ANKS1A: variants seen among roughly 807,000 people sequenced by gnomAD.
ANKS1A encodes the protein ankyrin repeat and SAM domain-containing protein 1A.
In ANKS1A, 55 loss-of-function variants were observed where a neutral mutation model predicts 120.3. The ratio of observed to expected loss-of-function variants is 0.46; its 90% CI spans 0.37 to 0.57. The LOEUF is 0.57. Ranked by LOEUF, ANKS1A falls within the 20% of genes least tolerant of loss-of-function variation. ANKS1A has a pLI of 0.00. For synonymous variants in ANKS1A, 590 were observed against 604.7 expected, an observed-to-expected ratio of 0.98 and a Z score of 0.36; for missense variants, 1,123 against 1,480.3, an observed-to-expected ratio of 0.76 and a Z score of 3.96.
intron 3 of ANKS1A, among the ~76,000 whole-genome samples, chr6:34,975,822 C>A (rs758014876): frequency 8.6e-5 from 13 of 151,762 alleles, no homozygotes; most frequent in Admixed American, 3.9e-4. Flanking sequence ...AGAATGCAAA[C>A]CCTTCTTGAG....
At chr6:34,939,288 G>A (rs1350337738) in intron 1 of ANKS1A, among the ~76,000 whole-genome samples, 1 of 152,182 alleles carries the variant, frequency 6.6e-6, no homozygotes, top group Non-Finnish European at 1.5e-5. Flanking sequence ...CCTGTGGACA[G>A]GGCAATGGAA....
chr6:34,905,091 G>C lies in ANKS1A; in HGVS notation c.197+15492G>C, dbSNP rs569386685. 3.3e-5 allele frequency among the ~76,000 whole-genome samples: 5 copies of C among 152,348 alleles called. No individual in the cohort carries two copies. In the East Asian group the frequency reaches 9.6e-4, roughly 29 times the overall value. ...CTCCCAAAGTTCTGGGATTATAGGC[G>C]GGAGCCACTGTGCCCGGTCAACGTC... On this transcript the variant is annotated intron_variant, in intron 1 of 23. Transcript: ENST00000360359.
chr6:35,051,695 C>T (rs1236849396), intron 11 of ANKS1A, among the ~76,000 whole-genome samples: 1 of 152,106 alleles, frequency 6.6e-6, no homozygotes, highest in Non-Finnish European at 1.5e-5. Flanking sequence ...TTAAGCTCTG[C>T]GTGTGAGTAG....
intron 13 of ANKS1A, among the ~76,000 whole-genome samples, chr6:35,073,959 G>A (rs1050465429): frequency 1.3e-4 from 20 of 152,232 alleles, no homozygotes; most frequent in African/African-American, 4.6e-4. Context: ...CCCGCGCTGC[G>A]CCCGGAATGT....
At chr6:35,078,712 AG>A in intron 14 of ANKS1A, 56 bp downstream of exon 14, 1 of 1,511,748 alleles carries the variant, frequency 6.6e-7, no homozygotes. Flanking sequence ...CCACCTCCCT[AG>A]CACCACCTGC....
chr6:35,086,167 C>T lies in ANKS1A; in HGVS notation c.3303+231C>T. ...CCTGTTTCCCTCCCTCGCTGGGCTC[C>T]CCCAAGGGCAAGGCCGTCAAGGGGC... On this transcript the variant is annotated intron_variant, in intron 22 of 23. Coordinates refer to ENST00000360359, the MANE Select transcript of ANKS1A (RefSeq NM_015245.3). The surrounding 1 kb of genome is among the most constrained non-coding windows in gnomAD (Gnocchi z 5.1). 5 of 1,233,126 alleles carry T rather than the reference C, an allele frequency of 4.1e-6. No homozygotes were observed. In the South Asian group the frequency reaches 5.6e-5, roughly 14 times the overall value. The allele number at this position is 1,233,126 out of a possible 1,614,324, so 76.4% of individuals were successfully genotyped here. A position where few individuals can be genotyped will look rare whatever the true frequency, so the allele number is the denominator to read the frequency against.
At chr6:34,897,815 C>G (rs552871769) in intron 1 of ANKS1A, among the ~76,000 whole-genome samples, 18 of 152,242 alleles carry the variant, frequency 1.2e-4, no homozygotes, top group African/African-American at 4.3e-4. Context: ...GTTGTCTCTG[C>G]TTTGAAACAA....
intron 11 of ANKS1A, among the ~76,000 whole-genome samples, chr6:35,046,135 T>C (rs1775709721): frequency 6.6e-6 from 1 of 152,200 alleles, no homozygotes; most frequent in Admixed American, 6.5e-5. Flanking sequence ...GATCCATTTC[T>C]TTTGACCCTG....
At chr6:34,962,712 C>A (rs1400342906) in intron 1 of ANKS1A, among the ~76,000 whole-genome samples, 1 of 151,700 alleles carries the variant, frequency 6.6e-6, no homozygotes, top group Non-Finnish European at 1.5e-5. Context: ...TCGCTTGAAC[C>A]CGGGAGGCAG....
intron 11 of ANKS1A, among the ~76,000 whole-genome samples, chr6:35,036,742 A>C (rs975362494): frequency 1.3e-5 from 2 of 152,212 alleles, no homozygotes; most frequent in African/African-American, 4.8e-5. Flanking sequence ...GGAAAGTTTA[A>C]CCCTGTAGTT....
chr6:34,996,692 C>T (rs1019727467), intron 10 of ANKS1A, among the ~76,000 whole-genome samples: 4 of 152,216 alleles, frequency 2.6e-5, no homozygotes, highest in East Asian at 1.9e-4. Flanking sequence ...AGGATGGTCT[C>T]GATCTCTTGA....
intron 11 of ANKS1A, among the ~76,000 whole-genome samples, chr6:35,029,153 C>CT (rs1008586245): frequency 2.5e-4 from 37 of 147,424 alleles, no homozygotes; most frequent in African/African-American, 7.7e-4. Flanking sequence ...TTCCTTTTCT[C>CT]TTTTTTTTTT....
intron 13 of ANKS1A, among the ~76,000 whole-genome samples, chr6:35,065,949 G>A (rs1235276663): frequency 7.2e-5 from 11 of 152,152 alleles, no homozygotes; most frequent in African/African-American, 2.4e-4. Flanking sequence ...ATGAAGCTCC[G>A]GGTTAGTTAA....
At position 34,985,163 on chromosome 6, in the gene ANKS1A, A is replaced by T. The variant is rs149715871; in HGVS notation, c.1094A>T (p.Tyr365Phe). ...GAAGAGGGTCCCTACGAAGCTCTGTATAATGCCATCTCCTGCCATTCGTTG... is the reference window on the plus strand; with the variant it reads ...GAAGAGGGTCCCTACGAAGCTCTGTTTAATGCCATCTCCTGCCATTCGTTG... ...AEEEGPYEAL[Y>F]NAISCHSLDS... Residue 365 changes from tyrosine (Y) to phenylalanine (F), a missense_variant, in exon 8 of 24, where the codon TAT becomes TTT. Physicochemically the swap from Tyr to Phe is conservative, Grantham distance 22 (BLOSUM62 3). Transcript: ENST00000360359. The T allele has an allele frequency of 4.1e-4, 656 of 1,614,184 alleles. 2 individuals carry two copies. Among genetic ancestry groups the T allele is most frequent in the Middle Eastern group, 1.2e-3 (7 of 6,062 alleles).
chr6:35,017,597 TTTCCA>T lies in ANKS1A; in HGVS notation c.1549_1553del (p.Phe517AlafsTer64). 1.5e-5 allele frequency: 25 copies of T among 1,613,986 alleles called. No individual in the cohort carries two copies. Among genetic ancestry groups the T allele is most frequent in the Non-Finnish European group, 2.1e-5 (25 of 1,179,924 alleles). ...CGGTGTGCGAGGTGGGGCAGGACCC[TTTCCA>T]GCTGCTCTGTACCGCTGGCCAGAGC... On this transcript the variant is annotated frameshift_variant, in exon 11 of 24. Transcript: ENST00000360359. LOFTEE classifies it high-confidence loss of function.
chr6:34,911,064 A>T (rs1767885865), intron 1 of ANKS1A, among the ~76,000 whole-genome samples: 1 of 152,188 alleles, frequency 6.6e-6, no homozygotes, highest in Admixed American at 6.5e-5. Context: ...TTTGGTGTGC[A>T]CAGGAGTTTG....
At chr6:35,056,610 C>T (rs995781446) in intron 12 of ANKS1A, among the ~76,000 whole-genome samples, 4 of 152,168 alleles carry the variant, frequency 2.6e-5, no homozygotes, top group African/African-American at 7.2e-5. Context: ...TTTTGTCCCC[C>T]GTGAACCCAT....
intron 1 of ANKS1A, among the ~76,000 whole-genome samples, chr6:34,959,021 G>A (rs561824548): frequency 5.5e-4 from 84 of 152,256 alleles, no homozygotes; most frequent in South Asian, 1.5e-3. Flanking sequence ...GACACTTCTG[G>A]CCCATTGAGA....
rs370816825 is a variant in ANKS1A, at chr6:35,017,973, G to A, written c.1924G>A (p.Gly642Arg). Residue 642 changes from glycine (G) to arginine (R), a missense_variant, in exon 11 of 24, where the codon GGG becomes AGG. Physicochemically the swap from Gly to Arg is moderately radical, Grantham distance 125 (BLOSUM62 -2). Transcript: ENST00000360359. Reference protein sequence around the residue: ...TCSPTEDATMGSRSESLSNCS... With the variant: ...TCSPTEDATMRSRSESLSNCS... ...CTCACCCACAGAGGACGCTACCATG[G>A]GGAGTCGGAGTGAGTCCTTATCCAA... The A allele has an allele frequency of 6.2e-7, 1 of 1,614,090 alleles. No homozygotes were observed. Among genetic ancestry groups the A allele is most frequent in the Non-Finnish European group, 8.5e-7 (1 of 1,180,052 alleles).
Sources: gnomAD v4.1 joint callset for allele counts (sites outside exome capture counted in the v4.1 genomes callset) on GRCh38, gnomAD v4.1.1 for gene constraint, Gnocchi (gnomAD v3.1) non-coding constraint, MANE v1.5 for transcripts, NCBI Gene and HGNC (gene_info 2026-07-23, HGNC 2026-07-21) for gene names.